FBXW7: variants seen among roughly 807,000 people sequenced by gnomAD.
FBXW7 encodes the protein F-box and WD repeat domain containing 7.
In FBXW7, 11 loss-of-function variants were observed where a neutral mutation model predicts 86.3. That is an observed-to-expected ratio of 0.13 (90% CI 0.08 to 0.21). The LOEUF is 0.21. FBXW7 is among the 10% of genes least tolerant of loss of function. The probability of loss-of-function intolerance (pLI) is 1.00; values close to 1 mark genes in which losing one functional copy is unlikely to be tolerated. For synonymous variants in FBXW7, 313 were observed against 297.9 expected, an observed-to-expected ratio of 1.05 and a Z score of -0.52; for missense variants, 488 against 847.4, an observed-to-expected ratio of 0.58 and a Z score of 5.27.
intron 4 of FBXW7, among the ~76,000 whole-genome samples, chr4:152,361,268 C>G (rs1344380046): frequency 6.6e-6 from 1 of 151,810 alleles, no homozygotes; most frequent in Non-Finnish European, 1.5e-5. Context: ...GTAATCAGGC[C>G]CCCACTACAT....
chr4:152,360,661 C>T (rs1732847578), intron 4 of FBXW7, among the ~76,000 whole-genome samples: 1 of 151,922 alleles, frequency 6.6e-6, no homozygotes, highest in South Asian at 2.1e-4. Context: ...AGAAACCGTT[C>T]ATCAGGTACA....
At chr4:152,477,521 A>T (rs1393163494) in intron 2 of FBXW7, among the ~76,000 whole-genome samples, 2 of 152,212 alleles carry the variant, frequency 1.3e-5, no homozygotes, top group African/African-American at 4.8e-5. Context: ...AAGAGGAGAC[A>T]TTAAATTTGG....
At chr4:152,335,419 G>A (rs754435986) in intron 7 of FBXW7, among the ~76,000 whole-genome samples, 2 of 152,104 alleles carry the variant, frequency 1.3e-5, no homozygotes, top group Non-Finnish European at 2.9e-5. Flanking sequence ...AGTGAGCTAT[G>A]ATCATTCCAC....
chr4:152,362,440 G>A (rs1733053996), intron 4 of FBXW7, among the ~76,000 whole-genome samples: 1 of 152,064 alleles, frequency 6.6e-6, no homozygotes, highest in Non-Finnish European at 1.5e-5. Flanking sequence ...TGATAAAGAA[G>A]ACACACACAT....
At chr4:152,387,947 A>G (rs1735682419) in intron 4 of FBXW7, among the ~76,000 whole-genome samples, 1 of 151,928 alleles carries the variant, frequency 6.6e-6, no homozygotes, top group African/African-American at 2.4e-5. Flanking sequence ...TGACCTTGTG[A>G]TCCGCCCACC....
chr4:152,527,878 A>ACT (rs1316624204), intron 2 of FBXW7, among the ~76,000 whole-genome samples: 1 of 151,344 alleles, frequency 6.6e-6, no homozygotes, highest in Non-Finnish European at 1.5e-5. Flanking sequence ...ACACACACAC[A>ACT]CACACACACA....
At chr4:152,364,791 A>G (rs1733313091) in intron 4 of FBXW7, among the ~76,000 whole-genome samples, 1 of 152,100 alleles carries the variant, frequency 6.6e-6, no homozygotes, top group Admixed American at 6.6e-5. Flanking sequence ...CTGTATTGAA[A>G]CATATGTATC....
At chr4:152,346,834 A>T (rs2126632843) in intron 6 of FBXW7, 96 bp downstream of exon 6, 1 of 1,509,338 alleles carries the variant, frequency 6.6e-7, no homozygotes, top group South Asian at 1.3e-5. Context: ...ACAGTATACT[A>T]TGTAACAGTG....
At position 152,400,844 on chromosome 4, in the gene FBXW7, A is replaced by G. The variant is rs188039714; in HGVS notation, c.501+10459T>C. Among the ~76,000 whole-genome samples, 14 of 152,370 alleles carry G rather than the reference A, an allele frequency of 9.2e-5. No homozygotes were observed. In the South Asian group the frequency reaches 2.1e-3, roughly 23 times the overall value. ...GATAAACGATTGTTATCCAAAATAT[A>G]CAACAGTAACAGAACAACCTGACTA... is the stretch of plus-strand genomic sequence containing the variant. On this transcript the variant is annotated intron_variant, in intron 4 of 13. Transcript: ENST00000281708.
intron 2 of FBXW7, among the ~76,000 whole-genome samples, chr4:152,429,531 G>A (rs902148809): frequency 2.6e-5 from 4 of 152,096 alleles, no homozygotes; most frequent in African/African-American, 9.7e-5. Context: ...TCACGTCACT[G>A]TCACCTGTAC....
At chr4:152,502,716 G>C (rs1019480297) in intron 2 of FBXW7, among the ~76,000 whole-genome samples, 8 of 152,038 alleles carry the variant, frequency 5.3e-5, no homozygotes, top group Non-Finnish European at 1.0e-4. Flanking sequence ...AAAGTAAAAA[G>C]AAACTGGAAG....
At chr4:152,359,853 G>C (rs547234912) in intron 4 of FBXW7, among the ~76,000 whole-genome samples, 79 of 152,282 alleles carry the variant, frequency 5.2e-4, no homozygotes, top group African/African-American at 1.8e-3. Flanking sequence ...GAGTGAGTCA[G>C]AAAATGGAGA....
rs1356504629 is a variant in FBXW7, at chr4:152,321,785, T to C, written c.*1096A>G. 1.3e-5 allele frequency: 3 copies of C among 232,794 alleles called. No homozygotes were observed. The highest frequency in any genetic ancestry group is 6.6e-5 in the African/African-American group (3 of 45,286). 14.4% of individuals were successfully genotyped at this position (232,794 alleles called of 1,614,324 possible). ...ACCACAGCCCTCAAAAAGAAAAGTT[T>C]CTCCACAGAACAGGCAAGTAATAGC... is the stretch of plus-strand genomic sequence containing the variant. On this transcript the variant is annotated 3_prime_UTR_variant, in exon 14 of 14. Transcript: ENST00000281708.
chr4:152,452,175 T>C (rs1419595357), intron 2 of FBXW7, among the ~76,000 whole-genome samples: 1 of 152,182 alleles, frequency 6.6e-6, no homozygotes, highest in Non-Finnish European at 1.5e-5. Context: ...TTAAATAAAT[T>C]TAATAAATGA....
At chr4:152,500,673 A>T (rs1032342769) in intron 2 of FBXW7, among the ~76,000 whole-genome samples, 1 of 152,138 alleles carries the variant, frequency 6.6e-6, no homozygotes, top group Non-Finnish European at 1.5e-5. Context: ...AACTGTCTTA[A>T]GCAAGGTTGT....
At chr4:152,404,501 T>C (rs1184735249) in intron 4 of FBXW7, among the ~76,000 whole-genome samples, 1 of 152,228 alleles carries the variant, frequency 6.6e-6, no homozygotes, top group Non-Finnish European at 1.5e-5. Context: ...AAATGTATGT[T>C]TGCTTCATAA....
chr4:152,533,501 C>T (rs1323695235), intron 2 of FBXW7, among the ~76,000 whole-genome samples: 1 of 152,088 alleles, frequency 6.6e-6, no homozygotes, highest in Non-Finnish European at 1.5e-5. Flanking sequence ...AGTTCCTTAC[C>T]AAAGCATAAC....
At chr4:152,379,359 TA>T in intron 4 of FBXW7, among the ~76,000 whole-genome samples, 1 of 152,174 alleles carries the variant, frequency 6.6e-6, no homozygotes. Flanking sequence ...TTTTTTTAGT[TA>T]AAAATTGTAT....
At chr4:152,445,234 T>C (rs1741264631) in intron 2 of FBXW7, among the ~76,000 whole-genome samples, 1 of 152,190 alleles carries the variant, frequency 6.6e-6, no homozygotes, top group Non-Finnish European at 1.5e-5. Flanking sequence ...TCATTTCTTA[T>C]TCAAGACTAA....
Sources: gnomAD v4.1 joint callset for allele counts (sites outside exome capture counted in the v4.1 genomes callset) on GRCh38, gnomAD v4.1.1 for gene constraint, MANE v1.5 for transcripts, NCBI Gene and HGNC (gene_info 2026-07-23, HGNC 2026-07-21) for gene names.